Variants in NUDC observed in about 807,000 individuals in gnomAD.
NUDC encodes nuclear distribution C, dynein complex regulator, also known as nuclear migration protein nudC.
NUDC carries 14 observed loss-of-function variants against 45.0 expected under a neutral mutation model. The observed-to-expected ratio is 0.31, with a 90% CI of 0.21 to 0.49. NUDC has a LOEUF of 0.49. NUDC is among the 20% of genes least tolerant of loss of function. The pLI, the probability that NUDC is intolerant of heterozygous loss-of-function variation, is 0.99. For synonymous variants in NUDC, 153 were observed against 156.7 expected (o/e 0.98, Z 0.17); for missense variants, 323 against 426.2 (o/e 0.76, Z 2.13).
At position 26,912,010 on chromosome 1, in the gene NUDC, C is replaced by T. The variant is rs1286004894; in HGVS notation, c.93+775C>T. On this transcript the variant is annotated intron_variant, in intron 3 of 6. Transcript: ENST00000435827. The stretch of plus-strand genomic sequence containing the variant: ...CTTGGGCTGCTGGGCACCAGGGTTC[C>T]AGGACTTCACACAGCACCCAGTGAG... 1.9e-6 allele frequency: 3 copies of T among 1,614,060 alleles called. No individual in the cohort carries two copies. In the African/African-American group the frequency reaches 4.0e-5, roughly 22 times the overall value.
intron 2 of NUDC, among the ~76,000 whole-genome samples, chr1:26,936,339 G>A (rs1027383453): frequency 2.7e-5 from 4 of 148,592 alleles, no homozygotes; most frequent in South Asian, 2.1e-4. Context: ...ACAGGCATGC[G>A]CCACCACGCC....
At chr1:26,920,804 G>A (rs1403422340), upstream of NUDC, among the ~76,000 whole-genome samples, 1 of 151,802 alleles carries the variant, frequency 6.6e-6, no homozygotes, top group Non-Finnish European at 1.5e-5. Flanking sequence ...AGGGCGTGGT[G>A]ATGTGAGCCT....
intron 1 of NUDC, among the ~76,000 whole-genome samples, chr1:26,901,132 A>G (rs988466051): frequency 6.6e-6 from 1 of 152,196 alleles, no homozygotes; most frequent in African/African-American, 2.4e-5. Context: ...TAGTAAAAGC[A>G]AAGCTACACA....
At chr1:26,912,102 G>A (rs548748734) in intron 3 of NUDC, 1 of 1,612,788 alleles carries the variant, frequency 6.2e-7, no homozygotes, top group Non-Finnish European at 8.5e-7. Context: ...GGCAGAGAGG[G>A]AGAAGAGGGC....
At position 26,924,100 on chromosome 1, in the gene NUDC, C is replaced by T; in HGVS notation, c.93C>T (p.Thr31=). 6.2e-7 allele frequency: 1 copy of T among 1,614,072 alleles called. No individual in the cohort carries two copies. The highest frequency in any genetic ancestry group is 1.1e-5 in the South Asian group (1 of 91,084). Residue 31 remains threonine, a synonymous_variant, in exon 2 of 9, where the codon ACC becomes ACT. Transcript: ENST00000321265. ...TCCCCCTCTTTCAGCTTGTGAACAC[C>T]TTCTTCAGCTTCCTTCGACGCAAAA... ...HEGGVQELVN[T]FFSFLRRKTD...
chr1:26,936,402 C>T (rs1287323587), intron 2 of NUDC, among the ~76,000 whole-genome samples: 3 of 150,906 alleles, frequency 2.0e-5, no homozygotes, highest in African/African-American at 7.3e-5. Context: ...GTTGGTCAGG[C>T]TGGTCTTGAA....
intron 3 of NUDC, chr1:26,914,103 T>A (rs2082047758): frequency 1.8e-6 from 1 of 540,990 alleles, no homozygotes. Context: ...CTGGCAGGAA[T>A]GGTGGGGAAG....
At chr1:26,935,235 G>C (rs772137085) in intron 2 of NUDC, among the ~76,000 whole-genome samples, 3 of 152,024 alleles carry the variant, frequency 2.0e-5, no homozygotes, top group Non-Finnish European at 4.4e-5. Context: ...GTGCCCCCTT[G>C]GCCTCCCAAA....
At chr1:26,938,629 A>T (rs192121061) in intron 2 of NUDC, among the ~76,000 whole-genome samples, 5 of 152,320 alleles carry the variant, frequency 3.3e-5, no homozygotes, top group Admixed American at 1.3e-4. Flanking sequence ...GCATAGCAGG[A>T]GAATTTGGCG....
At position 26,911,919 on chromosome 1, in the gene NUDC, C is replaced by G. The variant is rs1339993668; in HGVS notation, c.93+684C>G. 2.5e-6 allele frequency: 4 copies of G among 1,614,200 alleles called. No homozygotes were observed. The South Asian group carries it at 4.4e-5, about 18-fold the overall frequency. ...CCAATGATAGGGCGAAAGAAGAGGT[C>G]CCCAAGCAGGCTGGTCGGAATGGAC... On this transcript the variant is annotated intron_variant, in intron 3 of 6. Transcript: ENST00000435827.
intron 3 of NUDC, among the ~76,000 whole-genome samples, chr1:26,913,091 C>G (rs1294090451): frequency 6.6e-6 from 1 of 152,156 alleles, no homozygotes; most frequent in Non-Finnish European, 1.5e-5. Context: ...TCAAGACCAG[C>G]TTGATCAACA....
At chr1:26,918,773 A>G (rs2082074955), upstream of NUDC, among the ~76,000 whole-genome samples, 1 of 151,022 alleles carries the variant, frequency 6.6e-6, no homozygotes, top group African/African-American at 2.4e-5. Context: ...ATGGGGTTTC[A>G]CCATGTTAGG....
intron 1 of NUDC, chr1:26,902,279 C>A (rs2081982725): frequency 6.6e-6 from 1 of 152,254 alleles, no homozygotes; most frequent in Admixed American, 6.5e-5. Context: ...CTCCTTCCCC[C>A]AGCTTCCCGA....
chr1:26,917,164 G>A (rs1254977231), upstream of NUDC, among the ~76,000 whole-genome samples: 1 of 151,660 alleles, frequency 6.6e-6, no homozygotes, highest in African/African-American at 2.4e-5. Flanking sequence ...AGGCTGAAGC[G>A]GGAGGATAGC....
chr1:26,945,188 A>T, intron 6 of NUDC: 1 of 621,594 alleles, frequency 1.6e-6, no homozygotes, highest in Non-Finnish European at 2.9e-6. Flanking sequence ...TTCCCTTATC[A>T]CACTGATTTG....
intron 2 of NUDC, among the ~76,000 whole-genome samples, chr1:26,925,756 CT>C (rs1337549800): frequency 7.4e-6 from 1 of 134,860 alleles, no homozygotes; most frequent in East Asian, 2.3e-4. Flanking sequence ...GAGTTTCACT[CT>C]GTTGCCCAGG....
At position 26,903,943 on chromosome 1, in the gene NUDC, G is replaced by A. The variant is rs554531522; in HGVS notation, c.-16+1577G>A. On this transcript the variant is annotated intron_variant, in intron 2 of 6. Coordinates refer to the NUDC transcript ENST00000435827. ...GGAGAATGGTGTGAACCCGGGAGGC[G>A]GAGCTTGCAGTGAGCCGAGATCGCG... Among the ~76,000 whole-genome samples the A allele has an allele frequency of 2.3e-3, 344 of 150,850 alleles. 2 individuals carry two copies. Among genetic ancestry groups the A allele is most frequent in the South Asian group, 8.4e-3 (40 of 4,774 alleles).
chr1:26,941,403 C>A, intron 2 of NUDC, 54 bp from the exon 3 acceptor site: 1 of 1,579,124 alleles, frequency 6.3e-7, no homozygotes, highest in Non-Finnish European at 8.6e-7. Context: ...GGACTCCAGG[C>A]TGTGGGACAC....
intron 1 of NUDC, among the ~76,000 whole-genome samples, chr1:26,901,721 T>A (rs2081980046): frequency 6.6e-6 from 1 of 152,166 alleles, no homozygotes. Context: ...GTACGTTTTT[T>A]AATTGGGTTA....
Sources: allele counts gnomAD v4.1 joint callset (sites outside exome capture counted in the v4.1 genomes callset), GRCh38; gene constraint gnomAD v4.1.1; transcripts MANE v1.5; gene names NCBI Gene and HGNC (gene_info 2026-07-23, HGNC 2026-07-21).